Variants in PRKCE observed in about 807,000 individuals in gnomAD.
PRKCE encodes protein kinase C epsilon type.
In PRKCE, 16 loss-of-function variants were observed where a neutral mutation model predicts 85.4. The ratio of observed to expected loss-of-function variants is 0.19; its 90% CI spans 0.13 to 0.28. The LOEUF is 0.28. Among genes scored for constraint, PRKCE ranks in the 10% least tolerant of loss-of-function variants. PRKCE has a pLI of 1.00. For synonymous variants in PRKCE, 388 were observed against 371.5 expected (o/e 1.04, Z -0.51); for missense variants, 573 against 975.2 (o/e 0.59, Z 5.49).
chr2:46,160,015 A>G (rs149700718), intron 14 of PRKCE: 10 of 402,920 alleles, frequency 2.5e-5, no homozygotes, highest in Middle Eastern at 1.2e-3. Context: ...CAGAGATTCA[A>G]TTTATTTATT....
chr2:45,728,652 G>A (rs1681293964), intron 1 of PRKCE, among the ~76,000 whole-genome samples: 1 of 152,176 alleles, frequency 6.6e-6, no homozygotes, highest in African/African-American at 2.4e-5. Context: ...TTACAGATGG[G>A]GAACTGAAAG....
At position 46,001,634 on chromosome 2, in the gene PRKCE, A is replaced by G; in HGVS notation, c.966+88A>G. ...CCAGAGGGTGCTCTGGAGTGAGGTA[A>G]TAAGATTCCTGGGTTTGAGGTATTT... On this transcript the variant is annotated intron_variant, in intron 7 of 14. Transcript: ENST00000306156. This position sits in a 1 kb window ranked among gnomAD's most constrained non-coding sequence, Gnocchi z 4.4. The G allele has an allele frequency of 7.0e-7, 1 of 1,418,518 alleles. No individual in the cohort carries two copies. Among genetic ancestry groups the G allele is most frequent in the Non-Finnish European group, 9.3e-7 (1 of 1,073,148 alleles). 87.9% of individuals were successfully genotyped at this position (1,418,518 alleles called of 1,614,324 possible).
chr2:46,063,607 AGTTT>A (rs1667351633), intron 10 of PRKCE, among the ~76,000 whole-genome samples: 1 of 152,096 alleles, frequency 6.6e-6, no homozygotes, highest in Non-Finnish European at 1.5e-5. Context: ...AAGCAGCTCG[AGTTT>A]GTTTGTTTTC....
intron 2 of PRKCE, among the ~76,000 whole-genome samples, chr2:45,923,449 C>A (rs1037357186): frequency 1.2e-4 from 19 of 152,148 alleles, no homozygotes; most frequent in African/African-American, 4.6e-4. Context: ...GAAGAAATGC[C>A]AAGTGCGGTC....
chr2:45,995,685 T>C (rs1177622867), intron 6 of PRKCE, among the ~76,000 whole-genome samples: 1 of 152,256 alleles, frequency 6.6e-6, no homozygotes, highest in South Asian at 2.1e-4. Flanking sequence ...CTGTCTGTTC[T>C]GTTCCATTGA....
chr2:45,761,143 C>G (rs562606517), intron 1 of PRKCE, among the ~76,000 whole-genome samples: 2 of 151,820 alleles, frequency 1.3e-5, no homozygotes, highest in Non-Finnish European at 2.9e-5. Context: ...TTGGCTAACA[C>G]GGTGAAACCT....
At chr2:45,663,912 A>G (rs997895443) in intron 1 of PRKCE, among the ~76,000 whole-genome samples, 3 of 152,262 alleles carry the variant, frequency 2.0e-5, no homozygotes, top group African/African-American at 7.2e-5. Context: ...AACAAAAACC[A>G]AAACAAACTA....
chr2:45,948,613 T>C (rs577430872), intron 2 of PRKCE, among the ~76,000 whole-genome samples: 1 of 152,350 alleles, frequency 6.6e-6, no homozygotes, highest in East Asian at 1.9e-4. Flanking sequence ...CACTCTAGCC[T>C]GGGTGACAGA....
chr2:45,865,815 C>CTTCTTCT (rs779577778), intron 2 of PRKCE, among the ~76,000 whole-genome samples: 5 of 133,664 alleles, frequency 3.7e-5, no homozygotes, highest in South Asian at 5.3e-4. Flanking sequence ...TCTTCTTCTT[C>CTTCTTCT]TTTTTTTTTT....
At position 46,001,252 on chromosome 2, in the gene PRKCE, C is replaced by T. The variant is rs1704652043; in HGVS notation, c.824-152C>T. The T allele has an allele frequency of 2.7e-6, 1 of 365,582 alleles. No homozygotes were observed. The highest frequency in any genetic ancestry group is 4.0e-6 in the Non-Finnish European group (1 of 249,396). The allele number at this position is 365,582 out of a possible 1,614,324, so 22.6% of individuals were successfully genotyped here. ...GATTTTGGTTTTGTATGATGGAAGACATATATATATATATATATATTTCTG... is the reference window on the plus strand; with the variant it reads ...GATTTTGGTTTTGTATGATGGAAGATATATATATATATATATATATTTCTG... On this transcript the variant is annotated intron_variant, in intron 6 of 14. Transcript: ENST00000306156. This position sits in a 1 kb window ranked among gnomAD's most constrained non-coding sequence, Gnocchi z 4.4.
At position 46,001,567 on chromosome 2, in the gene PRKCE, GT is replaced by G; in HGVS notation, c.966+23del. On this transcript the variant is annotated intron_variant, in intron 7 of 14. Transcript: ENST00000306156. This position sits in a 1 kb window ranked among gnomAD's most constrained non-coding sequence, Gnocchi z 4.4. ...AAAAGGTAACTGGCTGTTTGGTGGT[GT>G]TGCTGGAGCCCTTTTCAGGCTAGCA... 5 of 1,594,774 alleles carry G rather than the reference GT, an allele frequency of 3.1e-6. No individual in the cohort carries two copies. Among genetic ancestry groups the G allele is most frequent in the Non-Finnish European group, 4.2e-6 (5 of 1,177,048 alleles).
chr2:45,782,652 G>A (rs901277226), intron 1 of PRKCE, among the ~76,000 whole-genome samples: 2 of 152,062 alleles, frequency 1.3e-5, no homozygotes, highest in African/African-American at 4.8e-5. Flanking sequence ...TGGGAAAGAT[G>A]GTTGTTTTTT....
chr2:45,778,991 G>A (rs982861163), intron 1 of PRKCE, among the ~76,000 whole-genome samples: 2 of 152,104 alleles, frequency 1.3e-5, no homozygotes, highest in Non-Finnish European at 2.9e-5. Flanking sequence ...TGTGTACGCA[G>A]AACGATTGAA....
In PRKCE at chr2:45,870,515, C is replaced by T. The variant is rs564821292; in HGVS notation, c.412+27452C>T. ...GTTCTTTAATGAAAGAATTCACATT[C>T]AGGGGTTTTGTTGTTGTTATCTCTA... On this transcript the variant is annotated intron_variant, in intron 2 of 14. Transcript: ENST00000306156. Among the ~76,000 whole-genome samples the T allele has an allele frequency of 2.0e-4, 30 of 152,288 alleles. 1 individual carries two copies. The South Asian group carries it at 6.2e-3, about 32-fold the overall frequency.
rs199580291 is a variant in PRKCE at position 46,010,544 on chromosome 2, G to A, written c.1437+27G>A. The A allele has an allele frequency of 4.4e-5, 70 of 1,598,084 alleles. No individual in the cohort carries two copies. In the African/African-American group the frequency reaches 8.8e-4, roughly 20 times the overall value. On this transcript the variant is annotated intron_variant, in intron 10 of 14. Coordinates refer to ENST00000306156, the MANE Select transcript of PRKCE (RefSeq NM_005400.3). ...TATGTTAGGAAGAAGCTGGCTGGCT[G>A]CCATGTTGGGGCATCTTGACTATCA...
chr2:45,666,474 G>A (rs796097859), intron 1 of PRKCE, among the ~76,000 whole-genome samples: 8 of 151,684 alleles, frequency 5.3e-5, no homozygotes, highest in African/African-American at 1.9e-4. Flanking sequence ...CTTATCCTCT[G>A]GGGTAGGAAC....
At chr2:45,892,077 A>G (rs1695763517) in intron 2 of PRKCE, among the ~76,000 whole-genome samples, 1 of 152,268 alleles carries the variant, frequency 6.6e-6, no homozygotes, top group South Asian at 2.1e-4. Flanking sequence ...GCTTCTCTCC[A>G]TGTAAGCAGG....
At chr2:45,727,943 G>A (rs997669880) in intron 1 of PRKCE, among the ~76,000 whole-genome samples, 5 of 152,118 alleles carry the variant, frequency 3.3e-5, no homozygotes, top group South Asian at 2.1e-4. Context: ...GTGAGCCACC[G>A]GGCCCAGCCA....
chr2:46,002,576 T>C (rs1003005731), intron 7 of PRKCE, among the ~76,000 whole-genome samples: 2 of 152,242 alleles, frequency 1.3e-5, no homozygotes, highest in Non-Finnish European at 2.9e-5. Context: ...CCTACCCTGT[T>C]TTCTCAATAA....
Sources: gnomAD v4.1 joint callset for allele counts (sites outside exome capture counted in the v4.1 genomes callset) on GRCh38, gnomAD v4.1.1 for gene constraint, Gnocchi (gnomAD v3.1) non-coding constraint, MANE v1.5 for transcripts, NCBI Gene and HGNC (gene_info 2026-07-23, HGNC 2026-07-21) for gene names.